Variants in CPVL observed in about 807,000 individuals in gnomAD.
The protein encoded by CPVL is probable serine carboxypeptidase CPVL.
In CPVL, 51 loss-of-function variants were observed where a neutral mutation model predicts 63.7. That is an observed-to-expected ratio of 0.80 (90% CI 0.64 to 1.01). The LOEUF is 1.01. Ranked by LOEUF, CPVL falls within the 50% of genes least tolerant of loss-of-function variation. CPVL has a pLI of 0.00. For missense variants in CPVL, 530 were observed against 573.1 expected (o/e 0.92, Z 0.77); for synonymous variants, 195 against 206.0 (o/e 0.95, Z 0.46).
At chr7:29,100,263 A>C (rs980423323) in intron 3 of CPVL, among the ~76,000 whole-genome samples, 6 of 152,194 alleles carry the variant, frequency 3.9e-5, no homozygotes, top group African/African-American at 1.4e-4. Flanking sequence ...CAGAAGCTGC[A>C]ATGTGCTCAT....
At chr7:29,064,805 C>G (rs1394178586) in intron 10 of CPVL, among the ~76,000 whole-genome samples, 1 of 152,048 alleles carries the variant, frequency 6.6e-6, no homozygotes, top group African/African-American at 2.4e-5. Flanking sequence ...TACCCCCACC[C>G]CACAACAGTC....
chr7:29,125,088 G>C (rs149474632), intron 1 of CPVL: 1 of 152,096 alleles, frequency 6.6e-6, no homozygotes, highest in Admixed American at 6.5e-5. Context: ...CTGCATAAAT[G>C]TGAGATGCTA....
At chr7:29,018,038 T>C (rs1786589016) in intron 12 of CPVL, among the ~76,000 whole-genome samples, 1 of 152,100 alleles carries the variant, frequency 6.6e-6, no homozygotes, top group African/African-American at 2.4e-5. Flanking sequence ...TGGAAGAAAA[T>C]GGAATTGATA....
At chr7:29,131,119 C>T (rs1228526615) in intron 1 of CPVL, among the ~76,000 whole-genome samples, 5 of 151,842 alleles carry the variant, frequency 3.3e-5, no homozygotes, top group East Asian at 3.9e-4. Context: ...TGCAGTGAGC[C>T]GAGATCGCAT....
intron 5 of CPVL, among the ~76,000 whole-genome samples, chr7:29,167,019 T>C (rs1185623845): frequency 3.3e-5 from 5 of 152,150 alleles, no homozygotes; most frequent in African/African-American, 4.8e-5. Context: ...ATACTGTATA[T>C]GTACAAGTTA....
chr7:29,102,429 G>A (rs79679229), intron 3 of CPVL, among the ~76,000 whole-genome samples: 14,938 of 138,564 alleles, frequency 0.11, 995 homozygotes, highest in South Asian at 0.16. Context: ...AAGGCCTCTG[G>A]TGGTAGGGTA....
intron 5 of CPVL, among the ~76,000 whole-genome samples, chr7:29,168,615 G>T (rs1291446685): frequency 6.6e-6 from 1 of 152,136 alleles, no homozygotes; most frequent in Admixed American, 6.5e-5. Context: ...GTTATGTGAG[G>T]GTCTCTGTTC....
chr7:29,174,109 G>C (rs1482862315), intron 5 of CPVL, among the ~76,000 whole-genome samples: 1 of 152,134 alleles, frequency 6.6e-6, no homozygotes, highest in Non-Finnish European at 1.5e-5. Flanking sequence ...AGGAAGACTA[G>C]GGCAGGGCAA....
chr7:29,067,100 GA>G (rs1783211388), intron 9 of CPVL, among the ~76,000 whole-genome samples: 1 of 152,158 alleles, frequency 6.6e-6, no homozygotes, highest in South Asian at 2.1e-4. Context: ...ATTCGGACAG[GA>G]GGTGGTAGTT....
chr7:29,028,167 C>CA (rs1787676889), intron 12 of CPVL, among the ~76,000 whole-genome samples: 1 of 152,176 alleles, frequency 6.6e-6, no homozygotes, highest in Non-Finnish European at 1.5e-5. Flanking sequence ...TAATCTCTGA[C>CA]AAAGCTGACA....
intron 7 of CPVL, among the ~76,000 whole-genome samples, chr7:29,083,514 G>C (rs1224345222): frequency 6.6e-6 from 1 of 152,230 alleles, no homozygotes; most frequent in East Asian, 1.9e-4. Flanking sequence ...TGGAGGGCTG[G>C]AATTACTGGG....
At chr7:29,135,477 G>A (rs1791111758) in intron 1 of CPVL, among the ~76,000 whole-genome samples, 2 of 151,750 alleles carry the variant, frequency 1.3e-5, no homozygotes, top group African/African-American at 4.8e-5. Flanking sequence ...GATTACAGGT[G>A]CACGCCACCA....
chr7:29,083,113 A>G (rs978190397), intron 7 of CPVL, among the ~76,000 whole-genome samples: 1 of 152,236 alleles, frequency 6.6e-6, no homozygotes, highest in Non-Finnish European at 1.5e-5. Flanking sequence ...GTAGTATGCT[A>G]ATCAGTCAGA....
At chr7:29,077,771 G>A (rs1248972496) in intron 7 of CPVL, among the ~76,000 whole-genome samples, 1 of 152,090 alleles carries the variant, frequency 6.6e-6, no homozygotes, top group Admixed American at 6.6e-5. Context: ...AAGACCAGAG[G>A]GAAGAAGACA....
chr7:29,163,951 AC>A (rs778553686), intron 5 of CPVL, among the ~76,000 whole-genome samples: 1 of 152,160 alleles, frequency 6.6e-6, no homozygotes, highest in Non-Finnish European at 1.5e-5. Context: ...CCAGCTTTTG[AC>A]TATTACAAAT....
At chr7:29,086,169 G>A (rs1785179464) in intron 7 of CPVL, among the ~76,000 whole-genome samples, 1 of 152,074 alleles carries the variant, frequency 6.6e-6, no homozygotes, top group African/African-American at 2.4e-5. Flanking sequence ...GCAGGCGCCT[G>A]TAATCTCAGC....
intron 3 of CPVL, chr7:29,185,373 A>G (rs1340674933): frequency 6.6e-6 from 1 of 152,190 alleles, no homozygotes; most frequent in Non-Finnish European, 1.5e-5. Context: ...AGAAAATGTC[A>G]TGCTAATGTT....
intron 5 of CPVL, among the ~76,000 whole-genome samples, chr7:29,161,813 T>A (rs1795213000): frequency 6.6e-6 from 1 of 151,262 alleles, no homozygotes; most frequent in African/African-American, 2.4e-5. Flanking sequence ...ATATAAAGAG[T>A]TCTCTAAAGT....
intron 1 of CPVL, among the ~76,000 whole-genome samples, chr7:29,130,241 T>C (rs1790548494): frequency 6.6e-6 from 1 of 152,202 alleles, no homozygotes; most frequent in Non-Finnish European, 1.5e-5. Context: ...AGTTGCCTGG[T>C]AGGCGTCCAG....
Sources: allele counts gnomAD v4.1 joint callset (sites outside exome capture counted in the v4.1 genomes callset), GRCh38; gene constraint gnomAD v4.1.1; transcripts MANE v1.5; gene names NCBI Gene and HGNC (gene_info 2026-07-23, HGNC 2026-07-21).